Variants in EYA2 observed in about 807,000 individuals in gnomAD.
EYA2 encodes EYA transcriptional coactivator and phosphatase 2.
Under a neutral mutation model 69.2 loss-of-function variants are expected in EYA2, and 31 were observed. The observed-to-expected ratio is 0.45, with a 90% CI of 0.34 to 0.60. EYA2 has a LOEUF of 0.60. Among genes scored for constraint, EYA2 ranks in the 20% least tolerant of loss-of-function variants. EYA2 has a pLI of 0.02. For synonymous variants in EYA2, 257 were observed against 279.4 expected, an observed-to-expected ratio of 0.92 and a Z score of 0.80; for missense variants, 622 against 701.2, an observed-to-expected ratio of 0.89 and a Z score of 1.28.
intron 7 of EYA2, among the ~76,000 whole-genome samples, chr20:47,083,762 TATG>T (rs2031803043): frequency 6.6e-6 from 1 of 151,990 alleles, no homozygotes; most frequent in Non-Finnish European, 1.5e-5. Flanking sequence ...ACACCAAAAA[TATG>T]ATCCAAAAAG....
At chr20:47,011,360 T>C (rs770600384) in intron 4 of EYA2, among the ~76,000 whole-genome samples, 15 of 152,140 alleles carry the variant, frequency 9.9e-5, no homozygotes, top group Non-Finnish European at 2.2e-4. Flanking sequence ...CAGGGGGCTG[T>C]TGATATTTTA....
At chr20:47,126,779 G>C (rs909583080) in intron 9 of EYA2, among the ~76,000 whole-genome samples, 1 of 152,086 alleles carries the variant, frequency 6.6e-6, no homozygotes, top group Non-Finnish European at 1.5e-5. Context: ...ATTTGGTGAC[G>C]TCTGGAGACA....
chr20:46,978,701 C>G (rs1980618186), intron 1 of EYA2: 1 of 534,158 alleles, frequency 1.9e-6, no homozygotes, highest in Non-Finnish European at 3.8e-6. Context: ...GGAGGGAGGC[C>G]CCGGTGGCCC....
intron 10 of EYA2, among the ~76,000 whole-genome samples, chr20:47,153,532 A>G (rs1359022793): frequency 2.6e-5 from 4 of 151,812 alleles, no homozygotes; most frequent in Non-Finnish European, 5.9e-5. Flanking sequence ...ATGAGTGCCT[A>G]TAGTCCCAGC....
intron 1 of EYA2, among the ~76,000 whole-genome samples, chr20:46,902,385 T>G (rs1010021777): frequency 6.6e-6 from 1 of 152,250 alleles, no homozygotes; most frequent in South Asian, 2.1e-4. Context: ...GTGGAAATAC[T>G]TTATATGTTT....
At chr20:47,109,674 C>A (rs899611849) in intron 9 of EYA2, among the ~76,000 whole-genome samples, 1 of 152,148 alleles carries the variant, frequency 6.6e-6, no homozygotes, top group African/African-American at 2.4e-5. Flanking sequence ...TGAGGCACCA[C>A]ACCCTGCCTG....
intron 10 of EYA2, among the ~76,000 whole-genome samples, chr20:47,153,917 A>G (rs1327395099): frequency 6.6e-6 from 1 of 152,056 alleles, no homozygotes; most frequent in Non-Finnish European, 1.5e-5. Flanking sequence ...CCAGATCTCA[A>G]TAATAACTGA....
intron 10 of EYA2, 70 bp downstream of exon 10, chr20:47,143,218 G>A: frequency 7.9e-7 from 1 of 1,270,156 alleles, no homozygotes; most frequent in Non-Finnish European, 1.1e-6. Context: ...TGGGAAGAAG[G>A]ATGCTGCCTT....
At chr20:46,984,158 A>T (rs1433958308) in intron 1 of EYA2, among the ~76,000 whole-genome samples, 1 of 152,238 alleles carries the variant, frequency 6.6e-6, no homozygotes, top group Admixed American at 6.5e-5. Context: ...ATTCTAAGTG[A>T]ATAGTTTAAC....
At chr20:47,181,930 A>G (rs2034545308) in intron 14 of EYA2, among the ~76,000 whole-genome samples, 1 of 152,066 alleles carries the variant, frequency 6.6e-6, no homozygotes, top group Admixed American at 6.6e-5. Flanking sequence ...GTACCTTTGC[A>G]GGTTTATTTC....
chr20:47,009,179 A>G (rs1407731927), intron 4 of EYA2, among the ~76,000 whole-genome samples: 2 of 152,176 alleles, frequency 1.3e-5, no homozygotes, highest in Non-Finnish European at 2.9e-5. Flanking sequence ...GCTGCCACAC[A>G]CACACGCGTG....
At chr20:47,139,136 A>G (rs1040641458) in intron 9 of EYA2, among the ~76,000 whole-genome samples, 1 of 152,182 alleles carries the variant, frequency 6.6e-6, no homozygotes, top group African/African-American at 2.4e-5. Context: ...ATTATTCCCA[A>G]TCTTTTGCTA....
chr20:47,154,864 G>C (rs1412064140), intron 10 of EYA2, among the ~76,000 whole-genome samples: 2 of 96,600 alleles, frequency 2.1e-5, no homozygotes, highest in Non-Finnish European at 2.2e-5. Context: ...TGTGTGTTTT[G>C]AGATGGAGCC....
chr20:47,118,405 A>T (rs911753509), intron 9 of EYA2, among the ~76,000 whole-genome samples: 16 of 150,694 alleles, frequency 1.1e-4, no homozygotes, highest in African/African-American at 2.9e-4. Flanking sequence ...GTAAGGAGTG[A>T]GGGCAAGAAG....
chr20:46,983,644 G>A (rs1980987075), intron 1 of EYA2, among the ~76,000 whole-genome samples: 3 of 152,154 alleles, frequency 2.0e-5, no homozygotes, highest in African/African-American at 7.2e-5. Flanking sequence ...AATGCCTCAA[G>A]GCTAATAACT....
chr20:47,053,755 T>C (rs188603027), intron 5 of EYA2, among the ~76,000 whole-genome samples: 80 of 150,662 alleles, frequency 5.3e-4, no homozygotes, highest in South Asian at 6.3e-4. Context: ...TCTTGGGAGA[T>C]AGAAGAATCT....
At chr20:46,947,522 A>G (rs1283119209) in intron 1 of EYA2, among the ~76,000 whole-genome samples, 2 of 152,204 alleles carry the variant, frequency 1.3e-5, no homozygotes, top group Non-Finnish European at 2.9e-5. Context: ...TATGAACACC[A>G]GTCAGGATCA....
chr20:46,996,289 G>A lies in EYA2; in HGVS notation c.110-5139G>A, dbSNP rs114506809. Among the ~76,000 whole-genome samples the A allele has an allele frequency of 8.7e-3, 1,320 of 152,130 alleles. 23 individuals are homozygous for A. The highest frequency in any genetic ancestry group is 0.03 in the African/African-American group (1,259 of 41,480). ...CTTTGCACATTTATATTGTCTTTGT[G>A]GCCCCAATATGCACTTGAGTTTGTG... On this transcript the variant is annotated intron_variant, in intron 2 of 15. Coordinates refer to ENST00000327619, the MANE Select transcript of EYA2 (RefSeq NM_005244.5).
intron 1 of EYA2, among the ~76,000 whole-genome samples, chr20:46,951,611 A>T (rs1049178457): frequency 1.3e-5 from 2 of 152,206 alleles, no homozygotes; most frequent in Admixed American, 6.5e-5. Flanking sequence ...ATCATGGGCC[A>T]CCAGGGAGCT....
Sources: gnomAD v4.1 joint callset for allele counts (sites outside exome capture counted in the v4.1 genomes callset) on GRCh38, gnomAD v4.1.1 for gene constraint, MANE v1.5 for transcripts, NCBI Gene and HGNC (gene_info 2026-07-23, HGNC 2026-07-21) for gene names.